CATSPERB: variants seen among roughly 807,000 people sequenced by gnomAD.
CATSPERB encodes the protein catsper channel auxiliary subunit beta, also known as cation channel sperm-associated auxiliary subunit beta.
CATSPERB carries 93 observed loss-of-function variants against 128.3 expected under a neutral mutation model. The ratio of observed to expected loss-of-function variants is 0.72; its 90% CI spans 0.61 to 0.86. The LOEUF (loss-of-function observed/expected upper bound fraction) is 0.86. CATSPERB is among the 40% of genes least tolerant of loss of function. The pLI is 0.00. For missense variants in CATSPERB, 1,153 were observed against 1,329.5 expected (o/e 0.87, Z 2.06); for synonymous variants, 381 against 448.8 (o/e 0.85, Z 1.91).
intron 5 of CATSPERB, among the ~76,000 whole-genome samples, chr14:91,714,464 CTCAA>C (rs1003723063): frequency 2.0e-5 from 3 of 151,496 alleles, no homozygotes; most frequent in East Asian, 1.9e-4. Context: ...ATAAACAGAA[CTCAA>C]TCATTCTTCT....
At chr14:91,686,248 C>G (rs922591581) in intron 10 of CATSPERB, among the ~76,000 whole-genome samples, 1 of 152,028 alleles carries the variant, frequency 6.6e-6, no homozygotes, top group Non-Finnish European at 1.5e-5. Flanking sequence ...TGATCTAGCC[C>G]CCTCAGTTGA....
chr14:91,650,403 T>C (rs141880021), intron 15 of CATSPERB, among the ~76,000 whole-genome samples: 155 of 152,358 alleles, frequency 1.0e-3, no homozygotes, highest in African/African-American at 3.5e-3. Context: ...AAGAATTCTA[T>C]GTTTTTCTTT....
chr14:91,672,941 T>C lies in CATSPERB; in HGVS notation c.1054A>G (p.Lys352Glu). The C allele has an allele frequency of 6.2e-7, 1 of 1,603,904 alleles. No individual in the cohort carries two copies. Among genetic ancestry groups the C allele is most frequent in the Non-Finnish European group, 8.5e-7 (1 of 1,177,856 alleles). ...PCLPHIFKGI[K>E]IFPTVLTFLV... ...AATGTTAGCACAGTTGGAAAAATTT[T>C]TATTCCTTTAAAAATGTGAGGTAAG... The change falls in exon 13 of 27, where the codon AAA (lysine) becomes GAA (glutamate). Residue 352 changes from lysine (K) to glutamate (E), a missense_variant. By Grantham distance (56) the Lys-to-Glu change is moderately conservative. Transcript: ENST00000256343.
chr14:91,665,574 T>G (rs1283792430), intron 14 of CATSPERB, among the ~76,000 whole-genome samples: 2 of 152,124 alleles, frequency 1.3e-5, no homozygotes, highest in Non-Finnish European at 2.9e-5. Flanking sequence ...AATTAGAGAT[T>G]TTAAACTGAT....
At chr14:91,582,456 G>A (rs1893221305) in intron 26 of CATSPERB, among the ~76,000 whole-genome samples, 1 of 152,202 alleles carries the variant, frequency 6.6e-6, no homozygotes, top group Admixed American at 6.5e-5. Flanking sequence ...GCAGATAGGG[G>A]TGGGTCGCCG....
At chr14:91,610,890 G>A (rs1363917740) in intron 20 of CATSPERB, among the ~76,000 whole-genome samples, 1 of 151,440 alleles carries the variant, frequency 6.6e-6, no homozygotes, top group African/African-American at 2.4e-5. Flanking sequence ...ATAAGAAGAG[G>A]AGATTAGGAT....
chr14:91,650,081 T>C (rs1316902664), intron 15 of CATSPERB, among the ~76,000 whole-genome samples: 3 of 152,224 alleles, frequency 2.0e-5, no homozygotes, highest in African/African-American at 4.8e-5. Flanking sequence ...TTATAATTGA[T>C]GTGTCTTACA....
Position 91,729,439 on chromosome 14 carries a change from T to C in CATSPERB, c.41A>G (p.Asn14Ser), listed in dbSNP as rs1159560435. Residue 14 changes from asparagine (N) to serine (S), a missense_variant, in exon 2 of 27, where the codon AAC (asparagine) becomes AGC (serine). Transcript: ENST00000256343. ...TATTCCTGATGAAAATTCAAATATG[T>C]TCAAAAGCAAAACTGAAACATATAT... ...PLIYVSVLLL[N>S]IFEFSSGIVY... 6.5e-7 allele frequency: 1 copy of C among 1,535,542 alleles called. No homozygotes were observed. The highest frequency in any genetic ancestry group is 1.7e-5 in the Admixed American group (1 of 57,580).
intron 15 of CATSPERB, among the ~76,000 whole-genome samples, chr14:91,659,244 T>C (rs1894835062): frequency 6.6e-6 from 1 of 152,370 alleles, no homozygotes; most frequent in African/African-American, 2.4e-5. Context: ...CTGATCACTC[T>C]ACATTATATG....
chr14:91,676,116 T>G (rs1417022348), intron 11 of CATSPERB, among the ~76,000 whole-genome samples: 1 of 152,190 alleles, frequency 6.6e-6, no homozygotes, highest in African/African-American at 2.4e-5. Flanking sequence ...AAAAAAAGGC[T>G]ATATTGGTCA....
intron 19 of CATSPERB, among the ~76,000 whole-genome samples, chr14:91,619,721 T>C (rs1000358795): frequency 1.1e-4 from 16 of 152,148 alleles, no homozygotes; most frequent in Admixed American, 8.5e-4. Flanking sequence ...TGGTGGGTCA[T>C]TTCCTTACAT....
intron 4 of CATSPERB, among the ~76,000 whole-genome samples, chr14:91,722,598 T>C (rs1007351690): frequency 6.6e-6 from 1 of 152,164 alleles, no homozygotes; most frequent in Non-Finnish European, 1.5e-5. Flanking sequence ...GTTGCACAAC[T>C]CTATGAATAT....
chr14:91,655,281 C>CAAT (rs1894768020), intron 15 of CATSPERB, among the ~76,000 whole-genome samples: 1 of 152,232 alleles, frequency 6.6e-6, no homozygotes, highest in African/African-American at 2.4e-5. Context: ...AGACACCAAT[C>CAAT]AATGTCCAGA....
intron 13 of CATSPERB, among the ~76,000 whole-genome samples, chr14:91,672,417 G>A (rs1036719989): frequency 6.6e-6 from 1 of 152,104 alleles, no homozygotes. Flanking sequence ...GAGTTGCTGG[G>A]ATTACAGGCA....
intron 26 of CATSPERB, among the ~76,000 whole-genome samples, chr14:91,581,682 C>G (rs1012567331): frequency 4.6e-5 from 7 of 152,176 alleles, no homozygotes; most frequent in Non-Finnish European, 1.0e-4. Flanking sequence ...AAGTAAATTT[C>G]TGGAGGACAG....
At chr14:91,607,165 A>C (rs1309598333) in intron 22 of CATSPERB, among the ~76,000 whole-genome samples, 1 of 150,634 alleles carries the variant, frequency 6.6e-6, no homozygotes, top group East Asian at 2.0e-4. Context: ...TGTTCTGGGC[A>C]CTGGGGATAT....
In CATSPERB at chr14:91,719,326, C is replaced by A; in HGVS notation, c.370+92G>T. The stretch of plus-strand genomic sequence containing the variant: ...CACATGGGGGATTTACATGACATAA[C>A]AAATCACTTTTAAGATAATAAATTC... On this transcript the variant is annotated intron_variant, in intron 5 of 26. Transcript: ENST00000256343. The A allele has an allele frequency of 5.6e-6, 5 of 894,124 alleles. No homozygotes were observed. In the South Asian group the frequency reaches 6.4e-5, roughly 11 times the overall value. 55.4% of individuals were successfully genotyped at this position (894,124 alleles called of 1,614,324 possible). A position where few individuals can be genotyped will look rare whatever the true frequency, so the allele number is the denominator to read the frequency against.
In CATSPERB at chr14:91,704,659, CT is replaced by C. The variant is rs772016797; in HGVS notation, c.508del (p.Ser170ValfsTer11). 5 of 1,613,736 alleles carry C rather than the reference CT, an allele frequency of 3.1e-6. No individual in the cohort carries two copies. In the African/African-American group the frequency reaches 6.7e-5, roughly 22 times the overall value. On this transcript the variant is annotated frameshift_variant, in exon 7 of 27. Coordinates refer to ENST00000256343, the MANE Select transcript of CATSPERB (RefSeq NM_024764.4). LOFTEE classifies it high-confidence loss of function. The part of the protein sequence containing the change: ...QWTPGDVIPE[S>X]EISKLYPHVV... Reference sequence around the variant, plus strand: ...ATGTGGATATAATTTACTGATTTCACTTTCTGGAATCACATCCCCAGGAGTC... The same window carrying C: ...ATGTGGATATAATTTACTGATTTCACTTCTGGAATCACATCCCCAGGAGTC...
rs150033375 is a variant in CATSPERB at position 91,625,016 on chromosome 14, A to G, written c.1743-9T>C. The G allele has an allele frequency of 8.6e-3, 13,419 of 1,553,714 alleles. 68 individuals carry two copies. The highest frequency in any genetic ancestry group is 0.012 in the Middle Eastern group (59 of 5,036). Reference sequence around the variant, plus strand: ...AAGCTCTTCCAGTTTTCCTAAAAACAAATAAAACCATTAAGCAATTTGGAT... The same window carrying G: ...AAGCTCTTCCAGTTTTCCTAAAAACGAATAAAACCATTAAGCAATTTGGAT... On this transcript the variant is annotated splice_polypyrimidine_tract_variant and intron_variant, in intron 17 of 26. Coordinates refer to ENST00000256343, the MANE Select transcript of CATSPERB (RefSeq NM_024764.4).
Sources: allele counts gnomAD v4.1 joint callset (sites outside exome capture counted in the v4.1 genomes callset), GRCh38; gene constraint gnomAD v4.1.1; transcripts MANE v1.5; gene names NCBI Gene and HGNC (gene_info 2026-07-23, HGNC 2026-07-21).